The following KIF16B variants were observed in gnomAD, a reference collection of about 807,000 sequenced individuals.
KIF16B encodes the protein kinesin family member 16B.
In KIF16B, 98 loss-of-function variants were observed where a neutral mutation model predicts 156.3. That is an observed-to-expected ratio of 0.63 (90% CI 0.53 to 0.74). KIF16B has a LOEUF of 0.74. KIF16B is among the 30% of genes least tolerant of loss of function. KIF16B has a pLI of 0.00. For synonymous variants in KIF16B, 564 were observed against 583.7 expected (o/e 0.97, Z 0.49); for missense variants, 1,421 against 1,606.5 (o/e 0.88, Z 1.97).
intron 1 of KIF16B, among the ~76,000 whole-genome samples, chr20:16,531,323 G>A (rs1194226933): frequency 2.0e-5 from 3 of 152,158 alleles, no homozygotes; most frequent in Admixed American, 2.0e-4. Context: ...TATACTTCAA[G>A]TAACCAAACA....
Position 16,374,330 on chromosome 20 carries a change from C to T in KIF16B, c.3277G>A (p.Glu1093Lys). ...AAGCTGGAAGAAGCCACCTTCCCTT[C>T]CAGGGTCCCATGATGATCTTTTTGA... is the stretch of plus-strand genomic sequence containing the variant. ...GVQKDHHGTL[E>K]GKVASSSLPV... The change falls in exon 20 of 26, where the codon GAA (glutamate) becomes AAA (lysine). Residue 1093 changes from glutamate (E) to lysine (K), a missense_variant. Physicochemically the swap from Glu to Lys is moderately conservative, Grantham distance 56. Transcript: ENST00000354981. The T allele has an allele frequency of 1.2e-6, 2 of 1,606,876 alleles. No homozygotes were observed. The highest frequency in any genetic ancestry group is 1.7e-6 in the Non-Finnish European group (2 of 1,175,732).
At chr20:16,539,876 G>A (rs2070128128) in intron 1 of KIF16B, among the ~76,000 whole-genome samples, 1 of 152,194 alleles carries the variant, frequency 6.6e-6, no homozygotes, top group African/African-American at 2.4e-5. Context: ...CAGCTAGACT[G>A]GGTGATGTTG....
chr20:16,557,242 G>A (rs547693889), intron 1 of KIF16B, among the ~76,000 whole-genome samples: 1 of 151,660 alleles, frequency 6.6e-6, no homozygotes, highest in Non-Finnish European at 1.5e-5. Context: ...GTGCAGTGGC[G>A]CAATCTCGGC....
At chr20:16,425,615 T>A (rs1429125565) in intron 15 of KIF16B, among the ~76,000 whole-genome samples, 1 of 152,030 alleles carries the variant, frequency 6.6e-6, no homozygotes, top group South Asian at 2.1e-4. Context: ...TACTTACTAA[T>A]AACAAAGAAG....
At chr20:16,317,375 C>T (rs1318595316) in intron 24 of KIF16B, among the ~76,000 whole-genome samples, 1 of 152,192 alleles carries the variant, frequency 6.6e-6, no homozygotes, top group African/African-American at 2.4e-5. Context: ...CTACATTCTA[C>T]AGCGTCTCAG....
intron 17 of KIF16B, among the ~76,000 whole-genome samples, chr20:16,385,402 C>T (rs2065205214): frequency 6.6e-6 from 1 of 152,060 alleles, no homozygotes; most frequent in Non-Finnish European, 1.5e-5. Flanking sequence ...GGGTTTCTGT[C>T]CAAGTCCTAT....
chr20:16,431,571 G>A (rs1380542981), intron 12 of KIF16B, among the ~76,000 whole-genome samples: 1 of 152,074 alleles, frequency 6.6e-6, no homozygotes, highest in African/African-American at 2.4e-5. Context: ...TTTCTGGACT[G>A]CGGCACAGTT....
At chr20:16,273,847 C>A (rs1223271721) in intron 25 of KIF16B, among the ~76,000 whole-genome samples, 2 of 152,118 alleles carry the variant, frequency 1.3e-5, no homozygotes, top group Non-Finnish European at 2.9e-5. Context: ...ATCAGACCAA[C>A]CAGAGAAGAC....
chr20:16,519,162 T>C (rs1481153731), intron 3 of KIF16B, among the ~76,000 whole-genome samples: 3 of 152,230 alleles, frequency 2.0e-5, no homozygotes, highest in Non-Finnish European at 4.4e-5. Context: ...AAGCAGAGTT[T>C]CTGACAACAA....
At chr20:16,375,602 A>G (rs2064928962) in intron 19 of KIF16B, among the ~76,000 whole-genome samples, 2 of 151,684 alleles carry the variant, frequency 1.3e-5, no homozygotes, top group African/African-American at 4.8e-5. Context: ...GACAAGACAT[A>G]AGCAAAAAAA....
At position 16,477,202 on chromosome 20, in the gene KIF16B, T is replaced by TC. The variant is rs1555782941; in HGVS notation, c.1302+17088dup. On this transcript the variant is annotated intron_variant, in intron 12 of 25. Transcript: ENST00000354981. ...TTTCCTTGTGGGTTTTTTTTTTTTC[T>TC]CTCCTTAAAAAAAAAAAAAGGTGGG... Among the ~76,000 whole-genome samples, 1,372 of 139,292 alleles carry TC rather than the reference T, an allele frequency of 9.8e-3. 32 individuals carry two copies. The highest frequency in any genetic ancestry group is 0.035 in the African/African-American group (1,267 of 36,602). The allele number at this position is 139,292 out of a possible 152,430, so 91.4% of individuals were successfully genotyped here.
chr20:16,536,813 A>G (rs1406935162), intron 1 of KIF16B, among the ~76,000 whole-genome samples: 1 of 151,810 alleles, frequency 6.6e-6, no homozygotes, highest in Non-Finnish European at 1.5e-5. Context: ...GACCAACCCT[A>G]CTCAGCCTCC....
At chr20:16,424,542 G>C (rs959730559) in intron 15 of KIF16B, among the ~76,000 whole-genome samples, 1 of 152,082 alleles carries the variant, frequency 6.6e-6, no homozygotes, top group Non-Finnish European at 1.5e-5. Flanking sequence ...ATTAAAAACT[G>C]TAATTATAAA....
At chr20:16,564,296 G>A (rs1441143472) in intron 1 of KIF16B, among the ~76,000 whole-genome samples, 2 of 152,132 alleles carry the variant, frequency 1.3e-5, no homozygotes, top group African/African-American at 4.8e-5. Flanking sequence ...AGTATTCCAT[G>A]GTGTATATGT....
chr20:16,438,563 G>A (rs1039776306), intron 12 of KIF16B, among the ~76,000 whole-genome samples: 3 of 152,056 alleles, frequency 2.0e-5, no homozygotes, highest in Non-Finnish European at 4.4e-5. Context: ...GACAAGCGGG[G>A]GCCTATTGTA....
intron 23 of KIF16B, among the ~76,000 whole-genome samples, chr20:16,345,159 G>A (rs1185796830): frequency 2.6e-5 from 4 of 152,180 alleles, no homozygotes; most frequent in Non-Finnish European, 5.9e-5. Context: ...GACGTCCTCC[G>A]ATTATGCCTC....
chr20:16,529,170 A>C (rs1600634935), intron 1 of KIF16B, among the ~76,000 whole-genome samples: 1 of 151,726 alleles, frequency 6.6e-6, no homozygotes, highest in East Asian at 1.9e-4. Flanking sequence ...TATTTTTCAA[A>C]AGGCTACCTA....
intron 25 of KIF16B, among the ~76,000 whole-genome samples, chr20:16,279,408 G>A (rs954863913): frequency 2.0e-5 from 3 of 152,140 alleles, no homozygotes; most frequent in Non-Finnish European, 4.4e-5. Flanking sequence ...AGAGCCTTTG[G>A]TCTCTGTCCA....
chr20:16,370,535 A>C, intron 22 of KIF16B, 51 bp downstream of exon 22: 1 of 1,405,942 alleles, frequency 7.1e-7, no homozygotes, highest in East Asian at 2.5e-5. Flanking sequence ...TAATCACATG[A>C]GCATGCCATA....
Sources: gnomAD v4.1 joint callset for allele counts (sites outside exome capture counted in the v4.1 genomes callset) on GRCh38, gnomAD v4.1.1 for gene constraint, MANE v1.5 for transcripts, NCBI Gene and HGNC (gene_info 2026-07-23, HGNC 2026-07-21) for gene names.